Variants in COG7 observed in about 807,000 individuals in gnomAD.
The protein encoded by COG7 is conserved oligomeric Golgi complex subunit 7.
COG7 carries 49 observed loss-of-function variants against 91.5 expected under a neutral mutation model. That is an observed-to-expected ratio of 0.54 (90% CI 0.43 to 0.68). The LOEUF (loss-of-function observed/expected upper bound fraction) is 0.68. COG7 is among the 30% of genes least tolerant of loss of function. The pLI is 0.00. For synonymous variants in COG7, 365 were observed against 388.7 expected (o/e 0.94, Z 0.72); for missense variants, 895 against 961.3 (o/e 0.93, Z 0.91).
intron 1 of COG7, among the ~76,000 whole-genome samples, chr16:23,451,316 A>T (rs1161802912): frequency 6.6e-6 from 1 of 152,234 alleles, no homozygotes; most frequent in Non-Finnish European, 1.5e-5. Flanking sequence ...TACGTACTGA[A>T]TCAACACACA....
At position 23,445,059 on chromosome 16, in the gene COG7, A is replaced by G. The variant is rs750541107; in HGVS notation, c.424T>C (p.Phe142Leu). 2.5e-6 allele frequency: 4 copies of G among 1,612,984 alleles called. No homozygotes were observed. Among genetic ancestry groups the G allele is most frequent in the Non-Finnish European group, 3.4e-6 (4 of 1,178,988 alleles). Residue 142 changes from phenylalanine to leucine, a missense_variant, in exon 3 of 17, where the codon TTT (phenylalanine) becomes CTT (leucine). Phe to Leu is a conservative substitution (Grantham distance 22). Coordinates refer to ENST00000307149, the MANE Select transcript of COG7 (RefSeq NM_153603.4). Reference protein sequence around the residue: ...STLSADIEETFKTQDIAVISA... With the variant: ...STLSADIEETLKTQDIAVISA... ...AACAAGAAACCTACCTGAGTCTTAA[A>G]TGTCTCCTCAATATCGGCGCTCAAC...
chr16:23,419,432 C>T (rs910626857), intron 7 of COG7, among the ~76,000 whole-genome samples: 3 of 143,036 alleles, frequency 2.1e-5, no homozygotes, highest in Non-Finnish European at 4.6e-5. Context: ...AAAAAGATAA[C>T]CCTCATCAAG....
chr16:23,449,002 T>A (rs1158471464), intron 1 of COG7, among the ~76,000 whole-genome samples: 2 of 152,194 alleles, frequency 1.3e-5, no homozygotes, highest in Non-Finnish European at 2.9e-5. Flanking sequence ...TAAGCATCAC[T>A]GGGTCCTCCC....
intron 4 of COG7, among the ~76,000 whole-genome samples, chr16:23,438,462 G>A (rs988558422): frequency 5.9e-5 from 9 of 152,178 alleles, no homozygotes; most frequent in Admixed American, 2.0e-4. Flanking sequence ...GGAGGCTGCC[G>A]TGGGAGGATC....
At chr16:23,426,869 C>T (rs1963857325) in intron 6 of COG7, among the ~76,000 whole-genome samples, 1 of 147,830 alleles carries the variant, frequency 6.8e-6, no homozygotes, top group Non-Finnish European at 1.5e-5. Flanking sequence ...AAAAGGCATC[C>T]AAATTGAAAA....
In COG7 at chr16:23,424,952, A is replaced by G. The variant is rs374216803; in HGVS notation, c.811-5T>C. 2 of 1,593,406 alleles carry G rather than the reference A, an allele frequency of 1.3e-6. No individual in the cohort carries two copies. The highest frequency in any genetic ancestry group is 2.7e-5 in the African/African-American group (2 of 74,500). ...CTCGTGGGGCTTCTGGAAAACCTGCAGTGAGAGAGAGGTGTACCTGCCTTA... is the reference window on the plus strand; with the variant it reads ...CTCGTGGGGCTTCTGGAAAACCTGCGGTGAGAGAGAGGTGTACCTGCCTTA... On this transcript the variant is annotated splice_region_variant and splice_polypyrimidine_tract_variant and intron_variant, in intron 6 of 16. Transcript: ENST00000307149.
At chr16:23,435,092 G>A (rs945998874) in intron 4 of COG7, among the ~76,000 whole-genome samples, 3 of 152,190 alleles carry the variant, frequency 2.0e-5, no homozygotes, top group Non-Finnish European at 4.4e-5. Context: ...GGCTGGTCGC[G>A]GTAGCTCATG....
At chr16:23,406,877 A>C (rs1211812477) in intron 11 of COG7, among the ~76,000 whole-genome samples, 1 of 152,240 alleles carries the variant, frequency 6.6e-6, no homozygotes. Context: ...ACAAACGCCT[A>C]GAGGAGGTTT....
At chr16:23,393,641 T>C (rs1376346501) in intron 14 of COG7, 1 of 419,434 alleles carries the variant, frequency 2.4e-6, no homozygotes, top group African/African-American at 2.0e-5. Context: ...CAAAATGCTT[T>C]GTAAAATTTG....
intron 3 of COG7, among the ~76,000 whole-genome samples, chr16:23,443,604 T>C (rs1964135921): frequency 6.6e-6 from 1 of 151,858 alleles, no homozygotes; most frequent in Non-Finnish European, 1.5e-5. Flanking sequence ...GGCAGGAGAA[T>C]CGCTTGAACC....
chr16:23,434,796 G>T, intron 4 of COG7, 78 bp from the exon 5 acceptor site: 1 of 907,342 alleles, frequency 1.1e-6, no homozygotes, highest in Non-Finnish European at 1.8e-6. Flanking sequence ...CAGGATGAAG[G>T]TGGATATATG....
At chr16:23,396,365 C>T (rs1963285341) in intron 14 of COG7, among the ~76,000 whole-genome samples, 1 of 152,134 alleles carries the variant, frequency 6.6e-6, no homozygotes, top group African/African-American at 2.4e-5. Context: ...AGACTGCAAG[C>T]ATACTATCTC....
intron 11 of COG7, among the ~76,000 whole-genome samples, chr16:23,408,813 A>T (rs1963511672): frequency 6.6e-6 from 1 of 151,974 alleles, no homozygotes; most frequent in Non-Finnish European, 1.5e-5. Flanking sequence ...GAAATCAAGT[A>T]TTACATTCTG....
At position 23,436,796 on chromosome 16, in the gene COG7, T is replaced by C. The variant is rs562765538; in HGVS notation, c.605-2078A>G. On this transcript the variant is annotated intron_variant, in intron 4 of 16. Coordinates refer to ENST00000307149, the MANE Select transcript of COG7 (RefSeq NM_153603.4). Reference sequence around the variant, plus strand: ...GCCTTCCAGGAAACATGGCTGATTATAAACAGCACATTACCTGTGGGGCGG... The same window carrying C: ...GCCTTCCAGGAAACATGGCTGATTACAAACAGCACATTACCTGTGGGGCGG... 5.9e-5 allele frequency among the ~76,000 whole-genome samples: 9 copies of C among 152,308 alleles called. No individual in the cohort carries two copies. The South Asian group carries it at 1.7e-3, about 28-fold the overall frequency.
intron 4 of COG7, among the ~76,000 whole-genome samples, chr16:23,442,163 G>A (rs940990872): frequency 2.0e-5 from 3 of 151,848 alleles, no homozygotes; most frequent in South Asian, 4.2e-4. Context: ...GTGAAAGCCC[G>A]TTTCTATTCA....
At chr16:23,445,301 G>A (rs892418124) in intron 2 of COG7, 137 bp from the exon 3 acceptor site, 5 of 765,696 alleles carry the variant, frequency 6.5e-6, no homozygotes, top group African/African-American at 5.1e-5. Context: ...CAATCATCTG[G>A]CTAAATTTAT....
At chr16:23,441,605 GCAAAGC>G (rs1567346680) in intron 4 of COG7, among the ~76,000 whole-genome samples, 2 of 152,120 alleles carry the variant, frequency 1.3e-5, no homozygotes, top group Non-Finnish European at 2.9e-5. Context: ...CTGGCACACA[GCAAAGC>G]CCATCCATTT....
intron 11 of COG7, 107 bp from the exon 12 acceptor site, chr16:23,406,369 C>T (rs1012987861): frequency 2.0e-6 from 2 of 989,044 alleles, no homozygotes; most frequent in African/African-American, 1.6e-5. Flanking sequence ...CCTCATGAGA[C>T]AGACTGAATT....
chr16:23,398,284 G>C (rs1963317315), intron 13 of COG7, among the ~76,000 whole-genome samples, 155 bp from the exon 14 acceptor site: 1 of 152,144 alleles, frequency 6.6e-6, no homozygotes, highest in Non-Finnish European at 1.5e-5. Context: ...GCAGGCAGGG[G>C]CTTCTCTTCT....
Sources: gnomAD v4.1 joint callset for allele counts (sites outside exome capture counted in the v4.1 genomes callset) on GRCh38, gnomAD v4.1.1 for gene constraint, MANE v1.5 for transcripts, NCBI Gene and HGNC (gene_info 2026-07-23, HGNC 2026-07-21) for gene names.